TAF3: variants seen among roughly 807,000 people sequenced by gnomAD.
The protein encoded by TAF3 is transcription initiation factor TFIID subunit 3.
In TAF3, 7 loss-of-function variants were observed where a neutral mutation model predicts 80.6. The observed-to-expected ratio is 0.09, with a 90% CI of 0.05 to 0.16. TAF3 has a LOEUF of 0.16. Among genes scored for constraint, TAF3 ranks in the 10% least tolerant of loss-of-function variants. TAF3 has a pLI of 1.00. For synonymous variants in TAF3, 444 were observed against 446.1 expected, an observed-to-expected ratio of 1.00 and a Z score of 0.06; for missense variants, 921 against 1,140.2, an observed-to-expected ratio of 0.81 and a Z score of 2.77.
At chr10:7,929,382 G>T (rs1319456698) in intron 2 of TAF3, among the ~76,000 whole-genome samples, 4 of 151,954 alleles carry the variant, frequency 2.6e-5, no homozygotes, top group Non-Finnish European at 5.9e-5. Context: ...ACCTCTGGAT[G>T]GTAGGATTAT....
At chr10:7,933,395 T>A (rs201949310) in intron 2 of TAF3, among the ~76,000 whole-genome samples, 1 of 152,172 alleles carries the variant, frequency 6.6e-6, no homozygotes, top group East Asian at 1.9e-4. Context: ...AAGGGAAATA[T>A]CCAGTGTGGA....
At chr10:7,825,793 G>A (rs945516109) in intron 2 of TAF3, among the ~76,000 whole-genome samples, 1 of 152,098 alleles carries the variant, frequency 6.6e-6, no homozygotes, top group Non-Finnish European at 1.5e-5. Context: ...GATTAATGCC[G>A]CTATGAACAT....
At chr10:7,842,901 T>C (rs564609636) in intron 2 of TAF3, among the ~76,000 whole-genome samples, 1 of 152,370 alleles carries the variant, frequency 6.6e-6, no homozygotes, top group South Asian at 2.1e-4. Flanking sequence ...AATGTAATGG[T>C]TGTCATACTT....
chr10:7,856,805 T>C (rs1341296422), intron 2 of TAF3, among the ~76,000 whole-genome samples: 1 of 146,256 alleles, frequency 6.8e-6, no homozygotes, highest in African/African-American at 2.6e-5. Context: ...CGAAGCCAAC[T>C]TAAAGACGGT....
intron 2 of TAF3, among the ~76,000 whole-genome samples, chr10:7,855,720 A>G (rs1837072070): frequency 6.6e-6 from 1 of 152,164 alleles, no homozygotes; most frequent in African/African-American, 2.4e-5. Flanking sequence ...AACATCTGAT[A>G]TGAAAGGGAG....
intron 2 of TAF3, among the ~76,000 whole-genome samples, chr10:7,900,353 T>A (rs1422735751): frequency 6.6e-6 from 1 of 152,234 alleles, no homozygotes; most frequent in Non-Finnish European, 1.5e-5. Context: ...ATCATTCTTA[T>A]AAGGAAACAT....
chr10:7,995,360 A>G (rs1338412864), intron 4 of TAF3, among the ~76,000 whole-genome samples: 2 of 152,372 alleles, frequency 1.3e-5, no homozygotes, highest in East Asian at 1.9e-4. Context: ...TGGAAGCTGT[A>G]TAACAAAATA....
At chr10:7,873,287 T>C (rs1320935584) in intron 2 of TAF3, among the ~76,000 whole-genome samples, 1 of 152,142 alleles carries the variant, frequency 6.6e-6, no homozygotes, top group Non-Finnish European at 1.5e-5. Context: ...CTGTTGAAAT[T>C]GTGTTTCTCT....
At chr10:7,940,433 G>A (rs1054728872) in intron 2 of TAF3, among the ~76,000 whole-genome samples, 11 of 152,194 alleles carry the variant, frequency 7.2e-5, no homozygotes, top group Admixed American at 5.9e-4. Context: ...AGACAAAAAT[G>A]ATTTAAGACA....
chr10:7,870,008 G>A (rs1446356201), intron 2 of TAF3, among the ~76,000 whole-genome samples: 1 of 151,970 alleles, frequency 6.6e-6, no homozygotes, highest in Non-Finnish European at 1.5e-5. Flanking sequence ...TTATTTTTAG[G>A]GATTTCAGGT....
intron 4 of TAF3, among the ~76,000 whole-genome samples, chr10:7,979,300 C>T (rs1275437007): frequency 3.4e-5 from 5 of 146,316 alleles, no homozygotes; most frequent in Non-Finnish European, 4.5e-5. Context: ...GCTGAGATCG[C>T]GCCACTGAAC....
intron 2 of TAF3, among the ~76,000 whole-genome samples, chr10:7,912,770 A>G (rs374611755): frequency 6.6e-6 from 1 of 152,142 alleles, no homozygotes; most frequent in Non-Finnish European, 1.5e-5. Flanking sequence ...CCAGTGGCTT[A>G]ATCCGTCAGT....
chr10:7,850,097 T>C (rs182084408), intron 2 of TAF3, among the ~76,000 whole-genome samples: 7 of 152,364 alleles, frequency 4.6e-5, no homozygotes, highest in Admixed American at 6.5e-5. Flanking sequence ...TATTTCCTGA[T>C]AAGTCCTCTC....
At chr10:7,932,669 ATTTTTTTTTTT>A (rs34907761) in intron 2 of TAF3, among the ~76,000 whole-genome samples, 5 of 78,810 alleles carry the variant, frequency 6.3e-5, no homozygotes, top group African/African-American at 2.3e-4. Flanking sequence ...GTTCCACTTA[ATTTTTTTTTTT>A]TTTTTTTTTT....
intron 2 of TAF3, among the ~76,000 whole-genome samples, chr10:7,871,650 G>A (rs1044744898): frequency 3.3e-5 from 5 of 151,726 alleles, no homozygotes; most frequent in African/African-American, 7.3e-5. Flanking sequence ...CTCCATATTG[G>A]TCAGGCTGGT....
rs1421588750 is a variant in TAF3, at chr10:8,006,178, ATACACAC to A, written c.2316-2899_2316-2893del. On this transcript the variant is annotated intron_variant, in intron 4 of 6. Coordinates refer to ENST00000344293, the MANE Select transcript of TAF3 (RefSeq NM_031923.4). The stretch of plus-strand genomic sequence containing the variant: ...AACCCCGTCTCTACTGAAAAAAAAA[ATACACAC>A]ACACACACACACACACACACACACA... 7.2e-5 allele frequency among the ~76,000 whole-genome samples: 8 copies of A among 111,760 alleles called. No individual in the cohort carries two copies. The East Asian group carries it at 9.9e-4, about 14-fold the overall frequency. The allele number at this position is 111,760 out of a possible 152,430, so 73.3% of individuals were successfully genotyped here.
intron 3 of TAF3, among the ~76,000 whole-genome samples, chr10:7,968,760 G>A (rs926226065): frequency 1.3e-5 from 2 of 152,128 alleles, no homozygotes; most frequent in African/African-American, 2.4e-5. Context: ...TTTCAATCCA[G>A]GCTGTCAGAT....
In TAF3 at chr10:7,961,202, G is replaced by T. The variant is rs1317325630; in HGVS notation, c.410-2718G>T. 3.3e-5 allele frequency among the ~76,000 whole-genome samples: 5 copies of T among 152,162 alleles called. No homozygotes were observed. The South Asian group carries it at 1.0e-3, about 32-fold the overall frequency. ...AAAGCAAACAGAGTTGAAAACTTGT[G>T]CTGTCAATTCAGATCTGGCGGAGAA... On this transcript the variant is annotated intron_variant, in intron 2 of 6. Transcript: ENST00000344293.
chr10:7,950,193 T>C (rs183875536), intron 2 of TAF3, among the ~76,000 whole-genome samples: 1 of 152,226 alleles, frequency 6.6e-6, no homozygotes, highest in East Asian at 1.9e-4. Context: ...GACTCCTTAT[T>C]TTGGGGATGT....
Sources: allele counts gnomAD v4.1 joint callset (sites outside exome capture counted in the v4.1 genomes callset), GRCh38; gene constraint gnomAD v4.1.1; transcripts MANE v1.5; gene names NCBI Gene and HGNC (gene_info 2026-07-23, HGNC 2026-07-21).